TNR: variants seen among roughly 807,000 people sequenced by gnomAD.
The protein encoded by TNR is tenascin R.
Under a neutral mutation model 150.4 loss-of-function variants are expected in TNR, and 45 were observed. The ratio of observed to expected loss-of-function variants is 0.30; its 90% CI spans 0.24 to 0.38. The LOEUF is 0.38. Among genes scored for constraint, TNR ranks in the 10% least tolerant of loss-of-function variants. The pLI, the probability that TNR is intolerant of heterozygous loss-of-function variation, is 1.00. For missense variants in TNR, 1,544 were observed against 1,759.1 expected (o/e 0.88, Z 2.19); for synonymous variants, 687 against 678.4 (o/e 1.01, Z -0.20).
intron 2 of TNR, among the ~76,000 whole-genome samples, chr1:175,446,918 ATG>A (rs1048741783): frequency 6.6e-6 from 1 of 151,986 alleles, no homozygotes; most frequent in African/African-American, 2.4e-5. Context: ...GCATGCATGT[ATG>A]TGTGTTGTAT....
At chr1:175,405,358 G>A (rs1260437039) in intron 3 of TNR, among the ~76,000 whole-genome samples, 1 of 152,212 alleles carries the variant, frequency 6.6e-6, no homozygotes, top group Non-Finnish European at 1.5e-5. Flanking sequence ...GGAAGGCACA[G>A]ATATGGAACT....
At chr1:175,484,462 A>G (rs1657927884) in intron 2 of TNR, among the ~76,000 whole-genome samples, 1 of 151,572 alleles carries the variant, frequency 6.6e-6, no homozygotes, top group African/African-American at 2.4e-5. Context: ...TTCCTTTTGC[A>G]GTCCACTCTT....
chr1:175,409,121 C>T (rs141093551), intron 2 of TNR, among the ~76,000 whole-genome samples: 1,579 of 152,350 alleles, frequency 0.01, 21 homozygotes, highest in South Asian at 0.025. Flanking sequence ...TCTTGAGCAT[C>T]ACTTCTACCC....
chr1:175,566,355 T>C (rs1019784235), intron 1 of TNR, among the ~76,000 whole-genome samples: 1 of 152,242 alleles, frequency 6.6e-6, no homozygotes, highest in Non-Finnish European at 1.5e-5. Flanking sequence ...TTAAGTATGA[T>C]GGACGAGAGC....
chr1:175,623,104 C>G (rs981607448), intron 1 of TNR, among the ~76,000 whole-genome samples: 1 of 152,148 alleles, frequency 6.6e-6, no homozygotes, highest in Non-Finnish European at 1.5e-5. Context: ...TATAACAGTG[C>G]TCTTCAACTT....
chr1:175,471,433 G>T (rs1303992612), intron 2 of TNR, among the ~76,000 whole-genome samples: 1 of 152,186 alleles, frequency 6.6e-6, no homozygotes, highest in Non-Finnish European at 1.5e-5. Context: ...ACACACCTAG[G>T]TATATGGTGT....
intron 1 of TNR, among the ~76,000 whole-genome samples, chr1:175,620,689 T>A (rs1009971698): frequency 2.0e-5 from 3 of 152,164 alleles, no homozygotes; most frequent in African/African-American, 4.8e-5. Context: ...CTCCTGAATT[T>A]AGTCACACCA....
chr1:175,394,324 T>C (rs74126998), intron 5 of TNR, among the ~76,000 whole-genome samples: 4,633 of 152,238 alleles, frequency 0.03, 222 homozygotes, highest in African/African-American at 0.11. Flanking sequence ...ATCAGTGTTC[T>C]CATTTTGCAC....
intron 1 of TNR, among the ~76,000 whole-genome samples, chr1:175,608,508 A>C (rs1220479378): frequency 2.6e-5 from 4 of 152,234 alleles, no homozygotes; most frequent in African/African-American, 9.6e-5. Flanking sequence ...CTTTGAAAGC[A>C]TAAGATATAA....
At chr1:175,703,161 T>C (rs781088138) in intron 1 of TNR, among the ~76,000 whole-genome samples, 18 of 152,220 alleles carry the variant, frequency 1.2e-4, no homozygotes, top group Non-Finnish European at 2.4e-4. Context: ...AATATTTACA[T>C]TGGCAGATTC....
intron 15 of TNR, 116 bp from the exon 16 acceptor site, chr1:175,356,578 C>T: frequency 1.6e-6 from 2 of 1,231,942 alleles, no homozygotes; most frequent in Non-Finnish European, 1.1e-6. Context: ...GGAAAAAAAT[C>T]TTTCATAGGT....
At chr1:175,353,006 C>T (rs1354799811) in intron 18 of TNR, among the ~76,000 whole-genome samples, 3 of 151,752 alleles carry the variant, frequency 2.0e-5, no homozygotes, top group Non-Finnish European at 4.4e-5. Flanking sequence ...TCTGACATGG[C>T]AGGCAGGATG....
intron 9 of TNR, among the ~76,000 whole-genome samples, chr1:175,367,748 T>C (rs558725371): frequency 6.6e-6 from 1 of 152,236 alleles, no homozygotes; most frequent in South Asian, 2.1e-4. Flanking sequence ...GCTACACCTT[T>C]TACAGGAGCT....
intron 2 of TNR, among the ~76,000 whole-genome samples, chr1:175,464,029 G>A (rs1656927449): frequency 6.6e-6 from 1 of 152,200 alleles, no homozygotes; most frequent in Non-Finnish European, 1.5e-5. Context: ...AAGAATGTGT[G>A]GTTATCACAT....
At chr1:175,658,871 A>G (rs936906743) in intron 1 of TNR, among the ~76,000 whole-genome samples, 1 of 152,208 alleles carries the variant, frequency 6.6e-6, no homozygotes, top group Non-Finnish European at 1.5e-5. Context: ...GAAGAAAACC[A>G]AGTCTAAAGC....
rs1270077797 is a variant in TNR, at chr1:175,599,237, A to G, written c.-164-70868T>C. Among the ~76,000 whole-genome samples, 1 of 152,164 alleles carries G rather than the reference A, an allele frequency of 6.6e-6. No homozygotes were observed. Among genetic ancestry groups the G allele is most frequent in the Non-Finnish European group, 1.5e-5 (1 of 68,028 alleles). On this transcript the variant is annotated intron_variant, in intron 1 of 22. Coordinates refer to ENST00000367674, the MANE Select transcript of TNR (RefSeq NM_003285.3). The surrounding 1 kb of genome is among the most constrained non-coding windows in gnomAD (Gnocchi z 4.7). ...GGGAAGTGTCAGCTTGGCCTTGGCC[A>G]CCTCGGGTCACCGCTCCTCCCTTTC...
intron 1 of TNR, among the ~76,000 whole-genome samples, chr1:175,635,653 T>G (rs903415669): frequency 6.6e-6 from 1 of 152,170 alleles, no homozygotes; most frequent in Non-Finnish European, 1.5e-5. Flanking sequence ...CTATAGAGAC[T>G]GAATTCATTG....
rs1648917467 is a variant in TNR at position 175,319,016 on chromosome 1, A to C, written c.*4341T>G. On this transcript the variant is annotated 3_prime_UTR_variant, in exon 23 of 23. Transcript: ENST00000367674. The stretch of plus-strand genomic sequence containing the variant: ...AAGAGTGGACAGTGAGATGCAAGGA[A>C]GGCGGAAAGTGTCCCCCAACCCCAT... 6.6e-6 allele frequency: 1 copy of C among 152,224 alleles called. No individual in the cohort carries two copies. Among genetic ancestry groups the C allele is most frequent in the Non-Finnish European group, 1.5e-5 (1 of 68,042 alleles). The allele number at this position is 152,224 out of a possible 1,614,324, so 9.4% of individuals were successfully genotyped here. A position where few individuals can be genotyped will look rare whatever the true frequency, so the allele number is the denominator to read the frequency against.
At chr1:175,639,325 T>A (rs940056353) in intron 1 of TNR, among the ~76,000 whole-genome samples, 1 of 152,196 alleles carries the variant, frequency 6.6e-6, no homozygotes, top group Non-Finnish European at 1.5e-5. Context: ...TCTACTTTTA[T>A]AAGTAAAATT....
Sources: allele counts gnomAD v4.1 joint callset (sites outside exome capture counted in the v4.1 genomes callset), GRCh38; gene constraint gnomAD v4.1.1; non-coding constraint Gnocchi (gnomAD v3.1); transcripts MANE v1.5; gene names NCBI Gene and HGNC (gene_info 2026-07-23, HGNC 2026-07-21).